MAGI2: variants seen among roughly 807,000 people sequenced by gnomAD.
MAGI2 encodes the protein membrane-associated guanylate kinase, WW and PDZ domain-containing protein 2.
MAGI2 carries 35 observed loss-of-function variants against 133.3 expected under a neutral mutation model. That is an observed-to-expected ratio of 0.26 (90% CI 0.20 to 0.35). The LOEUF (loss-of-function observed/expected upper bound fraction) is 0.35, where lower values mean the gene tolerates loss of function less well. MAGI2 is among the 10% of genes least tolerant of loss of function. The pLI, the probability that MAGI2 is intolerant of heterozygous loss-of-function variation, is 1.00. For missense variants in MAGI2, 1,636 were observed against 1,863.4 expected (o/e 0.88, Z 2.25); for synonymous variants, 729 against 710.6 (o/e 1.03, Z -0.41).
At chr7:79,196,570 A>G (rs1222810163) in intron 1 of MAGI2, among the ~76,000 whole-genome samples, 1 of 152,008 alleles carries the variant, frequency 6.6e-6, no homozygotes, top group Non-Finnish European at 1.5e-5. Flanking sequence ...TCTTCTTAGT[A>G]CAATAGAATA....
chr7:79,042,060 G>A (rs1811719652), intron 1 of MAGI2, among the ~76,000 whole-genome samples: 1 of 151,932 alleles, frequency 6.6e-6, no homozygotes, highest in Non-Finnish European at 1.5e-5. Context: ...AAAAAATAAG[G>A]CATAGACTGG....
At chr7:78,559,991 A>C (rs769308600) in intron 3 of MAGI2, among the ~76,000 whole-genome samples, 1 of 152,162 alleles carries the variant, frequency 6.6e-6, no homozygotes, top group Non-Finnish European at 1.5e-5. Context: ...AGGTATCTAC[A>C]TGGGGACTTA....
intron 1 of MAGI2, among the ~76,000 whole-genome samples, chr7:79,444,993 C>T (rs1236365624): frequency 6.6e-6 from 1 of 152,176 alleles, no homozygotes; most frequent in Admixed American, 6.5e-5. Context: ...CAGAACAGAG[C>T]CCTCAGAAAT....
chr7:79,214,821 T>G (rs1434608231), intron 1 of MAGI2, among the ~76,000 whole-genome samples: 1 of 143,384 alleles, frequency 7.0e-6, no homozygotes, highest in Non-Finnish European at 1.5e-5. Flanking sequence ...TACATTATAT[T>G]TATAAATTAT....
intron 2 of MAGI2, among the ~76,000 whole-genome samples, chr7:78,955,773 CTT>C (rs779916716): frequency 2.1e-5 from 2 of 95,428 alleles, no homozygotes; most frequent in African/African-American, 7.5e-5. Context: ...TTCTTTCTTT[CTT>C]TCTTTCTTTC....
At chr7:78,123,265 A>G (rs1820641212) in intron 20 of MAGI2, among the ~76,000 whole-genome samples, 1 of 152,048 alleles carries the variant, frequency 6.6e-6, no homozygotes, top group Non-Finnish European at 1.5e-5. Context: ...GCTACTCTCC[A>G]CTGGTTTTTT....
At chr7:78,171,438 A>C (rs1826099976) in intron 14 of MAGI2, among the ~76,000 whole-genome samples, 1 of 152,220 alleles carries the variant, frequency 6.6e-6, no homozygotes, top group Admixed American at 6.5e-5. Flanking sequence ...CTGATGCTGC[A>C]GGCCTGGGAG....
At chr7:78,200,689 T>TAC (rs1379681788) in intron 11 of MAGI2, among the ~76,000 whole-genome samples, 1 of 152,096 alleles carries the variant, frequency 6.6e-6, no homozygotes, top group African/African-American at 2.4e-5. Context: ...AACATATATA[T>TAC]ACACATGACA....
Position 79,040,470 on chromosome 7 carries a change from G to A in MAGI2, c.302-33264C>T, listed in dbSNP as rs148488556. 5.7e-3 allele frequency among the ~76,000 whole-genome samples: 865 copies of A among 152,246 alleles called. 5 individuals carry two copies. The highest frequency in any genetic ancestry group is 9.9e-3 in the Non-Finnish European group (672 of 68,020). On this transcript the variant is annotated intron_variant, in intron 1 of 21. Coordinates refer to ENST00000354212, the MANE Select transcript of MAGI2 (RefSeq NM_012301.4). ...TTATCAGAGGCTGGGAAGGGCAAGC[G>A]GGAGGGAGAGGATGAAGAGTCAGTT...
intron 2 of MAGI2, among the ~76,000 whole-genome samples, chr7:78,852,071 T>G (rs182744065): frequency 4.1e-3 from 630 of 152,282 alleles, no homozygotes; most frequent in Non-Finnish European, 7.3e-3. Flanking sequence ...TTTAAAGTCT[T>G]GTCGATATAA....
At chr7:78,893,723 T>A (rs1255548802) in intron 2 of MAGI2, among the ~76,000 whole-genome samples, 2 of 151,080 alleles carry the variant, frequency 1.3e-5, no homozygotes, top group African/African-American at 4.9e-5. Flanking sequence ...CACCGGGGCC[T>A]GTTGTGGGTT....
chr7:78,180,977 A>T (rs1437179095), intron 13 of MAGI2, among the ~76,000 whole-genome samples: 1 of 136,574 alleles, frequency 7.3e-6, no homozygotes, highest in Non-Finnish European at 1.6e-5. Flanking sequence ...TTTTAGGAAG[A>T]TAATTTTTCT....
intron 2 of MAGI2, among the ~76,000 whole-genome samples, chr7:78,990,057 G>T (rs1357126243): frequency 6.6e-6 from 1 of 151,890 alleles, no homozygotes; most frequent in Non-Finnish European, 1.5e-5. Context: ...TCCTACATAA[G>T]GACTTGTAAC....
intron 1 of MAGI2, among the ~76,000 whole-genome samples, chr7:79,062,692 T>A (rs370943626): frequency 1.3e-5 from 2 of 152,066 alleles, no homozygotes; most frequent in African/African-American, 2.4e-5. Context: ...AACAAAACAA[T>A]CCAGGTGCAT....
chr7:78,856,901 A>ATTTG (rs1160899604), intron 2 of MAGI2, among the ~76,000 whole-genome samples: 2 of 152,062 alleles, frequency 1.3e-5, no homozygotes, highest in Non-Finnish European at 2.9e-5. Context: ...ATGTTCTTCC[A>ATTTG]TTTGTTTGTG....
chr7:79,056,708 A>G (rs900864319), intron 1 of MAGI2, among the ~76,000 whole-genome samples: 1 of 152,220 alleles, frequency 6.6e-6, no homozygotes, highest in Non-Finnish European at 1.5e-5. Flanking sequence ...ATAACTAGAT[A>G]TTTCAAAGGA....
chr7:79,125,462 G>T, intron 1 of MAGI2: 1 of 505,264 alleles, frequency 2.0e-6, no homozygotes, highest in South Asian at 1.5e-5. Flanking sequence ...AGTTATGTTG[G>T]AGGCAGTCCT....
chr7:79,352,272 C>G (rs1841742709), intron 1 of MAGI2, among the ~76,000 whole-genome samples: 1 of 152,158 alleles, frequency 6.6e-6, no homozygotes, highest in African/African-American at 2.4e-5. Flanking sequence ...GGAGAATGCA[C>G]AAACAGCTTT....
At chr7:78,883,115 C>T (rs1478663108) in intron 2 of MAGI2, among the ~76,000 whole-genome samples, 3 of 152,106 alleles carry the variant, frequency 2.0e-5, no homozygotes, top group Admixed American at 6.6e-5. Context: ...CCTAATGTAT[C>T]GAAAGAAGTC....
Sources: allele counts gnomAD v4.1 joint callset (sites outside exome capture counted in the v4.1 genomes callset), GRCh38; gene constraint gnomAD v4.1.1; transcripts MANE v1.5; gene names NCBI Gene and HGNC (gene_info 2026-07-23, HGNC 2026-07-21).